Variants in DCX observed in about 807,000 individuals in gnomAD.
DCX encodes the protein neuronal migration protein doublecortin.
In DCX, 4 loss-of-function variants were observed where a neutral mutation model predicts 20.9. That is an observed-to-expected ratio of 0.19 (90% CI 0.09 to 0.44). The LOEUF (loss-of-function observed/expected upper bound fraction) is 0.44. Ranked by LOEUF, DCX falls within the 20% of genes least tolerant of loss-of-function variation. DCX has a pLI of 0.99. For missense variants in DCX, 133 were observed against 296.9 expected, an observed-to-expected ratio of 0.45 and a Z score of 4.06; for synonymous variants, 103 against 111.4, an observed-to-expected ratio of 0.92 and a Z score of 0.47.
chrX:111,370,407 C>T (rs1009960757), intron 3 of DCX, among the ~76,000 whole-genome samples: 5 of 111,392 alleles, frequency 4.5e-5, no homozygotes, highest in African/African-American at 1.6e-4. Context: ...TAGACCTCAC[C>T]TCAGACTTAC....
intron 3 of DCX, among the ~76,000 whole-genome samples, chrX:111,343,009 A>G (rs1325728511): frequency 2.7e-5 from 3 of 110,790 alleles, no homozygotes; most frequent in South Asian, 3.9e-4. Context: ...TAAAAGAGCT[A>G]GAGAGGCAAG....
At chrX:111,323,571 G>A (rs1418731380) in intron 5 of DCX, among the ~76,000 whole-genome samples, 4 of 105,436 alleles carry the variant, frequency 3.8e-5, no homozygotes, top group Non-Finnish European at 7.8e-5. Flanking sequence ...TCAGATAATC[G>A]AAGCTTTCCT....
chrX:111,379,472 A>G (rs1925795912), intron 3 of DCX, among the ~76,000 whole-genome samples: 2 of 111,624 alleles, frequency 1.8e-5, no homozygotes, highest in Admixed American at 9.5e-5. Flanking sequence ...CATAAAATAT[A>G]TGGTCTTTTG....
chrX:111,323,461 T>C (rs1306562363), intron 5 of DCX, among the ~76,000 whole-genome samples: 1 of 111,438 alleles, frequency 9.0e-6, no homozygotes, highest in East Asian at 2.8e-4. Context: ...TGAGTAAGTA[T>C]TCAATTTATA....
At chrX:111,400,284 A>T (rs1358174291) in intron 3 of DCX, among the ~76,000 whole-genome samples, 3 of 111,498 alleles carry the variant, frequency 2.7e-5, no homozygotes, top group Non-Finnish European at 5.6e-5. Flanking sequence ...TCTTTCCCAG[A>T]TATTAATATA....
Position 111,298,172 on chromosome X carries a change from TG to T in DCX, c.*3514del, listed in dbSNP as rs1457750335. 1 of 111,870 alleles carries T rather than the reference TG, an allele frequency of 8.9e-6. No homozygotes were observed. Among genetic ancestry groups the T allele is most frequent in the African/African-American group, 3.3e-5 (1 of 30,761 alleles). 9.2% of individuals were successfully genotyped at this position (111,870 alleles called of 1,213,427 possible). A position where few individuals can be genotyped will look rare whatever the true frequency, so the allele number is the denominator to read the frequency against. Reference sequence around the variant, plus strand: ...CCTGGAAAGACCAACCATTATGAGATGACACAAGGTGAACTGATGGAGAAAA... The same window carrying T: ...CCTGGAAAGACCAACCATTATGAGATACACAAGGTGAACTGATGGAGAAAA... On this transcript the variant is annotated 3_prime_UTR_variant, in exon 7 of 7. Coordinates refer to ENST00000636035, the MANE Select transcript of DCX (RefSeq NM_001195553.2).
At chrX:111,310,523 T>C (rs2095055473) in intron 6 of DCX, among the ~76,000 whole-genome samples, 1 of 111,411 alleles carries the variant, frequency 9.0e-6, no homozygotes. Context: ...TTGTTTATTA[T>C]TTTTGCAACT....
intron 3 of DCX, among the ~76,000 whole-genome samples, chrX:111,356,248 C>T (rs1923722344): frequency 8.9e-6 from 1 of 112,533 alleles, no homozygotes; most frequent in South Asian, 3.7e-4. Flanking sequence ...CTATACTAGA[C>T]ATCTAGGAGT....
At chrX:111,303,364 T>G (rs986241745) in intron 6 of DCX, among the ~76,000 whole-genome samples, 2 of 110,516 alleles carry the variant, frequency 1.8e-5, no homozygotes, top group African/African-American at 6.6e-5. Context: ...ACTGCTTTTG[T>G]ATCATAAGGA....
In DCX at chrX:111,408,394, G is replaced by A. The variant is rs189527584; in HGVS notation, c.364+1641C>T. Among the ~76,000 whole-genome samples the A allele has an allele frequency of 6.2e-4, 69 of 110,573 alleles. 1 individual carries two copies. The East Asian group carries it at 0.015, about 23-fold the overall frequency. ...TCCCAACACTTTGGGAGGCCAAGGC[G>A]GGTGGATCCTGAGGTCGGGAGTTCA... On this transcript the variant is annotated intron_variant, in intron 2 of 6. Transcript: ENST00000636035.
chrX:111,407,754 C>G (rs962762685), intron 2 of DCX, among the ~76,000 whole-genome samples: 1 of 107,601 alleles, frequency 9.3e-6, no homozygotes, highest in Non-Finnish European at 1.9e-5. Flanking sequence ...TTATTGCCTA[C>G]CTATGTTGAA....
intron 3 of DCX, among the ~76,000 whole-genome samples, chrX:111,377,221 A>T (rs1353896968): frequency 8.9e-6 from 1 of 111,853 alleles, no homozygotes; most frequent in East Asian, 2.8e-4. Flanking sequence ...ACCCTCCAGT[A>T]TCTCTCATTT....
intron 2 of DCX, among the ~76,000 whole-genome samples, chrX:111,408,297 T>C (rs1928364147): frequency 9.0e-6 from 1 of 111,238 alleles, no homozygotes; most frequent in Non-Finnish European, 1.9e-5. Context: ...TAATCTAAGC[T>C]TCCTGGGCAT....
At chrX:111,333,193 C>T (rs1921422488) in intron 3 of DCX, 40 bp from the exon 4 acceptor site, 6 of 1,011,464 alleles carry the variant, frequency 5.9e-6, no homozygotes, top group Non-Finnish European at 7.0e-6. Context: ...TATGATGGTC[C>T]TGTGACAATG....
chrX:111,390,201 C>T (rs1926825969), intron 3 of DCX, among the ~76,000 whole-genome samples: 1 of 111,566 alleles, frequency 9.0e-6, no homozygotes, highest in Non-Finnish European at 1.9e-5. Context: ...AAGCTGAAAA[C>T]ATTTCTCAGC....
intron 3 of DCX, among the ~76,000 whole-genome samples, chrX:111,342,339 TTATATATA>T (rs60045433): frequency 0.026 from 541 of 20,697 alleles, 16 homozygotes; most frequent in African/African-American, 0.045. Context: ...GAGCTAACTA[TTATATATA>T]TATATATATA....
rs113188563 is a variant in DCX, at chrX:111,316,415, A to G, written c.947-3679T>C. Among the ~76,000 whole-genome samples, 948 of 110,890 alleles carry G rather than the reference A, an allele frequency of 8.5e-3. 8 individuals carry two copies. The highest frequency in any genetic ancestry group is 0.013 in the Non-Finnish European group (708 of 52,950). ...CCCAGCTAATTTTTGTATTTTTAGTAGAGATGGGGTTTCACCATATTGGCC... is the reference window on the plus strand; with the variant it reads ...CCCAGCTAATTTTTGTATTTTTAGTGGAGATGGGGTTTCACCATATTGGCC... On this transcript the variant is annotated intron_variant, in intron 5 of 6. Coordinates refer to ENST00000636035, the MANE Select transcript of DCX (RefSeq NM_001195553.2).
rs573089847 is a variant in DCX, at chrX:111,318,362, A to G, written c.947-5626T>C. ...CTCAGTGTACCCTAAAACTTAAAGT[A>G]TAATAATAATAATAATAATAATAAT... On this transcript the variant is annotated intron_variant, in intron 5 of 6. Transcript: ENST00000636035. Among the ~76,000 whole-genome samples, 23 of 75,516 alleles carry G rather than the reference A, an allele frequency of 3.0e-4. No individual in the cohort carries two copies. The South Asian group carries it at 0.01, about 34-fold the overall frequency. 65.6% of individuals were successfully genotyped at this position (75,516 alleles called of 115,157 possible).
chrX:111,360,477 A>T (rs1924119215), intron 3 of DCX, among the ~76,000 whole-genome samples: 1 of 111,411 alleles, frequency 9.0e-6, no homozygotes, highest in South Asian at 3.8e-4. Context: ...TGAGATGGGG[A>T]TGGTTAATGG....
Sources: gnomAD v4.1 joint callset for allele counts (sites outside exome capture counted in the v4.1 genomes callset) on GRCh38, gnomAD v4.1.1 for gene constraint, MANE v1.5 for transcripts, NCBI Gene and HGNC (gene_info 2026-07-23, HGNC 2026-07-21) for gene names.